Variants in CAPN13 observed in about 807,000 individuals in gnomAD.
CAPN13 encodes calpain 13.
In CAPN13, 90 loss-of-function variants were observed where a neutral mutation model predicts 98.4. The ratio of observed to expected loss-of-function variants is 0.92; its 90% CI spans 0.77 to 1.09. The LOEUF is 1.09. Among genes scored for constraint, CAPN13 ranks in the 50% least tolerant of loss-of-function variants. CAPN13 has a pLI of 0.00. For synonymous variants in CAPN13, 330 were observed against 305.5 expected, an observed-to-expected ratio of 1.08 and a Z score of -0.84; for missense variants, 887 against 841.3, an observed-to-expected ratio of 1.05 and a Z score of -0.67.
chr2:30,797,395 T>C (rs1013279472), intron 1 of CAPN13, among the ~76,000 whole-genome samples: 7 of 152,186 alleles, frequency 4.6e-5, no homozygotes, highest in Admixed American at 4.6e-4. Context: ...AGAATCAGGT[T>C]GAAACTTGGG....
chr2:30,775,893 C>A, intron 4 of CAPN13, 37 bp downstream of exon 4: 1 of 1,474,758 alleles, frequency 6.8e-7, no homozygotes, highest in Non-Finnish European at 9.3e-7. Flanking sequence ...TCACAGAGAA[C>A]CCCATCATAT....
chr2:30,755,203 C>T (rs1295027674), intron 8 of CAPN13, among the ~76,000 whole-genome samples: 1 of 152,064 alleles, frequency 6.6e-6, no homozygotes, highest in Non-Finnish European at 1.5e-5. Context: ...CTGTAACCTG[C>T]TCTTACTCAT....
In CAPN13 at chr2:30,797,588, G is replaced by A. The variant is rs539859140; in HGVS notation, c.-33+9714C>T. On this transcript the variant is annotated intron_variant, in intron 1 of 22. Transcript: ENST00000295055. ...GGGCTTGGCGTGGCACATAATAAAA[G>A]CTTGTGTCCATTATGCTATCAGCAA... Among the ~76,000 whole-genome samples the A allele has an allele frequency of 8.3e-4, 126 of 152,256 alleles. 4 individuals carry two copies. The South Asian group carries it at 0.014, about 17-fold the overall frequency.
At chr2:30,768,278 A>G (rs72867165) in intron 5 of CAPN13, among the ~76,000 whole-genome samples, 3,984 of 152,326 alleles carry the variant, frequency 0.026, 191 homozygotes, top group African/African-American at 0.09. Context: ...GGTACTGGGC[A>G]GGGAATCGGG....
rs146716892 is a variant in CAPN13, at chr2:30,788,444, C to T, written c.-32-1087G>A. On this transcript the variant is annotated intron_variant, in intron 1 of 22. Transcript: ENST00000295055. The stretch of plus-strand genomic sequence containing the variant: ...TTTACCAAAAATGTACCACGTCCTC[C>T]ATCTGTGAGGCTGGCCTGGATGGGA... Among the ~76,000 whole-genome samples the T allele has an allele frequency of 2.0e-4, 30 of 152,298 alleles. 1 individual carries two copies. The East Asian group carries it at 3.9e-3, about 20-fold the overall frequency.
intron 4 of CAPN13, among the ~76,000 whole-genome samples, chr2:30,771,118 A>T (rs1442674883): frequency 6.6e-6 from 1 of 152,238 alleles, no homozygotes; most frequent in Non-Finnish European, 1.5e-5. Flanking sequence ...GATGAACCGG[A>T]TGTTCCTCTC....
In CAPN13 at chr2:30,787,266, G is replaced by T. The variant is rs186665118; in HGVS notation, c.60C>A (p.Asp20Glu). 1.2e-3 allele frequency: 1,886 copies of T among 1,613,432 alleles called. 19 individuals are homozygous for T. The highest frequency in any genetic ancestry group is 9.7e-3 in the South Asian group (882 of 90,720). ...GGCAGTGATCCCGCAAGGTGGTAAA[G>T]TCCTGGTCTTTGAACTTGATGATGG... ...ETSIIKFKDQ[D>E]FTTLRDHCLS... Residue 20 changes from aspartate (D) to glutamate (E), a missense_variant, in exon 2 of 23, where the codon GAC becomes GAA. Asp to Glu is a conservative substitution (Grantham distance 45). Transcript: ENST00000295055.
intron 2 of CAPN13, among the ~76,000 whole-genome samples, chr2:30,779,645 A>T (rs529805707): frequency 3.3e-4 from 51 of 152,336 alleles, no homozygotes; most frequent in Non-Finnish European, 6.2e-4. Context: ...CCATAGCCTC[A>T]GATGCATTCA....
chr2:30,737,016 G>A (rs7566361), intron 17 of CAPN13: 17,411 of 192,426 alleles, frequency 0.09, 1,145 homozygotes, highest in African/African-American at 0.19. Context: ...TGGCCATGCC[G>A]TATGATGGGT....
intron 13 of CAPN13, chr2:30,743,019 C>T (rs771380886): frequency 2.6e-5 from 7 of 273,342 alleles, no homozygotes; most frequent in Admixed American, 5.0e-5. Context: ...TTTTCTTCTA[C>T]CTACCTTCCC....
chr2:30,744,119 T>C (rs1045560039), intron 12 of CAPN13, among the ~76,000 whole-genome samples: 1 of 152,230 alleles, frequency 6.6e-6, no homozygotes, highest in African/African-American at 2.4e-5. Context: ...AAACAATAAA[T>C]ATAATGCAGT....
chr2:30,730,102 CACA>C (rs1297554742), intron 22 of CAPN13, among the ~76,000 whole-genome samples: 1 of 152,166 alleles, frequency 6.6e-6, no homozygotes, highest in African/African-American at 2.4e-5. Flanking sequence ...CAATGGGAAC[CACA>C]ACATCTTGAG....
rs778343386 is a variant in CAPN13, at chr2:30,777,517, C to G, written c.271+50G>C. 9.4e-6 allele frequency: 14 copies of G among 1,490,618 alleles called. No individual in the cohort carries two copies. In the Admixed American group the frequency reaches 2.7e-4, roughly 29 times the overall value. 92.3% of individuals were successfully genotyped at this position (1,490,618 alleles called of 1,614,324 possible). On this transcript the variant is annotated intron_variant, in intron 3 of 22. Transcript: ENST00000295055. ...GCAGGACTCTGTGGGTAAGCACCAC[C>G]CTCCACCACTTCCTATCCAGGGCAC...
In CAPN13 at chr2:30,792,586, C is replaced by T. The variant is rs77231166; in HGVS notation, c.-32-5229G>A. ...TATCCAAAGCTTTCTCCAGAAGAAA[C>T]CCCTAGGCTCAGATAGTTTCACTAG... is the stretch of plus-strand genomic sequence containing the variant. On this transcript the variant is annotated intron_variant, in intron 1 of 22. Coordinates refer to ENST00000295055, the MANE Select transcript of CAPN13 (RefSeq NM_144575.3). Among the ~76,000 whole-genome samples the T allele has an allele frequency of 2.9e-3, 437 of 152,072 alleles. 1 individual carries two copies. The highest frequency in any genetic ancestry group is 3.2e-3 in the Non-Finnish European group (218 of 67,884).
chr2:30,736,500 T>A lies in CAPN13; in HGVS notation c.1722+3A>T, dbSNP rs11889549. ...GTGCTAGTCACAGAGAATGTGCCCG[T>A]ACCTGGTAGTGAACAAGGCGCTTCC... On this transcript the variant is annotated splice_donor_region_variant and intron_variant, in intron 18 of 22. Transcript: ENST00000295055. 4.8e-5 allele frequency: 77 copies of A among 1,613,858 alleles called. 2 individuals are homozygous for A. In the South Asian group the frequency reaches 7.9e-4, roughly 17 times the overall value.
chr2:30,738,885 A>ATG lies in CAPN13; in HGVS notation c.1537-430_1537-429dup, dbSNP rs140991906. On this transcript the variant is annotated intron_variant, in intron 15 of 22. Transcript: ENST00000295055. ...GTGTGCATGTGTGTGTGTTGTGTGT[A>ATG]TGTGTGTGTGTGTGCGTGCACGTGT... is the stretch of plus-strand genomic sequence containing the variant. Among the ~76,000 whole-genome samples the ATG allele has an allele frequency of 8.0e-5, 12 of 150,654 alleles. 1 individual carries two copies. The highest frequency in any genetic ancestry group is 2.2e-4 in the African/African-American group (9 of 40,614).
chr2:30,773,181 A>G (rs955995450), intron 4 of CAPN13, among the ~76,000 whole-genome samples: 1 of 152,234 alleles, frequency 6.6e-6, no homozygotes, highest in Non-Finnish European at 1.5e-5. Context: ...GTCAAAGTCC[A>G]GAGAATAGAT....
chr2:30,780,332 C>A (rs908478146), intron 2 of CAPN13, among the ~76,000 whole-genome samples: 9 of 152,344 alleles, frequency 5.9e-5, no homozygotes, highest in African/African-American at 2.2e-4. Flanking sequence ...AGAGAAAACA[C>A]ACAGACATAC....
At chr2:30,784,315 G>A (rs1674146742) in intron 2 of CAPN13, among the ~76,000 whole-genome samples, 1 of 152,184 alleles carries the variant, frequency 6.6e-6, no homozygotes, top group Non-Finnish European at 1.5e-5. Context: ...AAGCTGAGAT[G>A]GCTGGACTGT....
Sources: allele counts gnomAD v4.1 joint callset (sites outside exome capture counted in the v4.1 genomes callset), GRCh38; gene constraint gnomAD v4.1.1; transcripts MANE v1.5; gene names NCBI Gene and HGNC (gene_info 2026-07-23, HGNC 2026-07-21).